The following ZNF407 variants were observed in gnomAD, a reference collection of about 807,000 sequenced individuals.
The protein encoded by ZNF407 is zinc finger protein 407.
ZNF407 carries 17 observed loss-of-function variants against 131.2 expected under a neutral mutation model. The ratio of observed to expected loss-of-function variants is 0.13; its 90% CI spans 0.09 to 0.19. ZNF407 has a LOEUF of 0.19. Among genes scored for constraint, ZNF407 ranks in the 10% least tolerant of loss-of-function variants. ZNF407 has a pLI of 1.00. For missense variants in ZNF407, 2,681 were observed against 2,830.6 expected, an observed-to-expected ratio of 0.95 and a Z score of 1.20; for synonymous variants, 1,156 against 1,062.0, an observed-to-expected ratio of 1.09 and a Z score of -1.72.
At chr18:74,999,499 G>A (rs1271538223) in intron 8 of ZNF407, among the ~76,000 whole-genome samples, 1 of 152,082 alleles carries the variant, frequency 6.6e-6, no homozygotes, top group Non-Finnish European at 1.5e-5. Context: ...TAGCCACATG[G>A]CAGAACATAT....
At chr18:74,787,478 G>A (rs1447263526) in intron 4 of ZNF407, among the ~76,000 whole-genome samples, 1 of 152,204 alleles carries the variant, frequency 6.6e-6, no homozygotes, top group East Asian at 1.9e-4. Context: ...CATCTGTGCT[G>A]CAGAATCTCA....
intron 3 of ZNF407, among the ~76,000 whole-genome samples, chr18:74,770,276 T>C (rs1969333392): frequency 1.3e-5 from 2 of 152,080 alleles, no homozygotes; most frequent in Admixed American, 6.6e-5. Context: ...TGCTCACCTG[T>C]AGTATTAGTT....
intron 6 of ZNF407, among the ~76,000 whole-genome samples, chr18:74,882,473 T>C (rs1971251764): frequency 6.6e-6 from 1 of 152,220 alleles, no homozygotes; most frequent in Admixed American, 6.5e-5. Context: ...TACATTATGA[T>C]TCTTGATATG....
intron 4 of ZNF407, among the ~76,000 whole-genome samples, chr18:74,792,597 C>T (rs889337318): frequency 7.3e-5 from 11 of 151,360 alleles, no homozygotes; most frequent in Non-Finnish European, 1.2e-4. Flanking sequence ...TAATTAATGG[C>T]GTGACCCCAA....
chr18:74,920,879 C>G (rs2145242253), intron 8 of ZNF407, 187 bp downstream of exon 8: 1 of 1,248,762 alleles, frequency 8.0e-7, no homozygotes, highest in Non-Finnish European at 1.0e-6. Context: ...CAGGACTTTT[C>G]AACTGTATTT....
chr18:74,692,150 T>C (rs1310310360), intron 3 of ZNF407, among the ~76,000 whole-genome samples: 2 of 151,898 alleles, frequency 1.3e-5, no homozygotes, highest in Non-Finnish European at 2.9e-5. Context: ...AAAATATATA[T>C]ATACATACAT....
rs183132866 is a variant in ZNF407 at position 74,805,828 on chromosome 18, C to G, written c.4877+24326C>G. ...TCATTCATTGTTCATTGTTTTAAGA[C>G]AGATTTGAGCATTGTGCAAGCAAAT... is the stretch of plus-strand genomic sequence containing the variant. On this transcript the variant is annotated intron_variant, in intron 4 of 8. Coordinates refer to ENST00000299687, the MANE Select transcript of ZNF407 (RefSeq NM_017757.3). Among the ~76,000 whole-genome samples the G allele has an allele frequency of 1.7e-4, 26 of 152,248 alleles. No individual in the cohort carries two copies. In the East Asian group the frequency reaches 2.5e-3, roughly 15 times the overall value.
intron 8 of ZNF407, among the ~76,000 whole-genome samples, chr18:74,981,411 C>T (rs755924017): frequency 6.6e-6 from 1 of 152,198 alleles, no homozygotes; most frequent in Non-Finnish European, 1.5e-5. Context: ...TGCTCGAGAC[C>T]CGAGGGCCAC....
intron 1 of ZNF407, among the ~76,000 whole-genome samples, chr18:74,603,905 C>G (rs1982687151): frequency 6.6e-6 from 1 of 152,076 alleles, no homozygotes; most frequent in Non-Finnish European, 1.5e-5. Flanking sequence ...TATTAGTGGA[C>G]ATTAAGGATT....
intron 8 of ZNF407, among the ~76,000 whole-genome samples, chr18:75,031,805 A>G (rs1039946624): frequency 1.3e-5 from 2 of 152,198 alleles, no homozygotes; most frequent in African/African-American, 2.4e-5. Context: ...ATTGTGGGCA[A>G]TTACAGGATT....
At chr18:74,711,627 AT>A (rs1418552001) in intron 3 of ZNF407, among the ~76,000 whole-genome samples, 1 of 152,184 alleles carries the variant, frequency 6.6e-6, no homozygotes, top group Non-Finnish European at 1.5e-5. Context: ...AAGATAATAA[AT>A]ATGTGTGTTT....
intron 4 of ZNF407, among the ~76,000 whole-genome samples, chr18:74,854,824 G>C (rs1174432569): frequency 6.6e-6 from 1 of 151,778 alleles, no homozygotes; most frequent in Non-Finnish European, 1.5e-5. Context: ...CCTTTGAAGT[G>C]TTCTGCGGGC....
Position 74,634,988 on chromosome 18 carries a change from T to C in ZNF407, c.3969T>C (p.Asp1323=). 1 of 1,614,018 alleles carries C rather than the reference T, an allele frequency of 6.2e-7. No individual in the cohort carries two copies. The highest frequency in any genetic ancestry group is 8.5e-7 in the Non-Finnish European group (1 of 1,179,906). The change falls in exon 2 of 9, where the codon GAT becomes GAC. Residue 1323 remains aspartate, a synonymous_variant. Transcript: ENST00000299687. ...AAACAGAATTTATTTTGGAGGAGGA[T>C]GGCCCAGCTTCTGATAGCACAGTTG... ...QHETEFILEE[D]GPASDSTVES...
chr18:74,787,590 C>T (rs917583524), intron 4 of ZNF407, among the ~76,000 whole-genome samples: 8 of 152,142 alleles, frequency 5.3e-5, no homozygotes, highest in Non-Finnish European at 7.4e-5. Context: ...GCAATGTCAC[C>T]GGTACTCCTG....
intron 3 of ZNF407, among the ~76,000 whole-genome samples, chr18:74,736,484 C>A (rs1370710616): frequency 3.3e-5 from 5 of 152,142 alleles, no homozygotes; most frequent in Non-Finnish European, 1.5e-5. Context: ...TAGTGGGCTT[C>A]ATTGAGTCCT....
intron 3 of ZNF407, among the ~76,000 whole-genome samples, chr18:74,718,725 T>C (rs1281193775): frequency 1.3e-5 from 2 of 152,196 alleles, no homozygotes; most frequent in African/African-American, 4.8e-5. Context: ...TTCAATGTAA[T>C]TGATTTTTGT....
chr18:74,708,252 C>G lies in ZNF407; in HGVS notation c.4802+67130C>G, dbSNP rs76945930. 1.3e-5 allele frequency among the ~76,000 whole-genome samples: 2 copies of G among 152,010 alleles called. 1 individual carries two copies. The highest frequency in any genetic ancestry group is 2.9e-5 in the Non-Finnish European group (2 of 68,004). On this transcript the variant is annotated intron_variant, in intron 3 of 8. Transcript: ENST00000299687. ...TGGTGTGCAAAATTAAATTTATATGCCAACAAATAGGAAATATAATGACTT... is the reference window on the plus strand; with the variant it reads ...TGGTGTGCAAAATTAAATTTATATGGCAACAAATAGGAAATATAATGACTT...
intron 8 of ZNF407, among the ~76,000 whole-genome samples, chr18:74,943,253 A>G (rs888857148): frequency 7.9e-5 from 12 of 152,222 alleles, no homozygotes; most frequent in Non-Finnish European, 1.8e-4. Flanking sequence ...CCAGAGAGAT[A>G]TAACTAATAC....
chr18:74,714,783 T>G (rs1291337337), intron 3 of ZNF407, among the ~76,000 whole-genome samples: 1 of 152,190 alleles, frequency 6.6e-6, no homozygotes, highest in Non-Finnish European at 1.5e-5. Context: ...CAGGTAATGT[T>G]TTGAAGTGTT....
Sources: allele counts gnomAD v4.1 joint callset (sites outside exome capture counted in the v4.1 genomes callset), GRCh38; gene constraint gnomAD v4.1.1; transcripts MANE v1.5; gene names NCBI Gene and HGNC (gene_info 2026-07-23, HGNC 2026-07-21).